Variants in SLC39A11 observed in about 807,000 individuals in gnomAD.
SLC39A11 encodes solute carrier family 39 member 11.
SLC39A11 carries 33 observed loss-of-function variants against 36.1 expected under a neutral mutation model. The observed-to-expected ratio is 0.91, with a 90% CI of 0.69 to 1.22. The LOEUF is 1.22. SLC39A11 is among the 50% of genes most tolerant of loss of function. The pLI is 0.00. For synonymous variants in SLC39A11, 166 were observed against 170.3 expected, an observed-to-expected ratio of 0.97 and a Z score of 0.20; for missense variants, 432 against 430.3, an observed-to-expected ratio of 1.00 and a Z score of -0.03.
intron 7 of SLC39A11, among the ~76,000 whole-genome samples, chr17:72,673,885 T>C (rs2071133331): frequency 6.6e-6 from 1 of 152,050 alleles, no homozygotes; most frequent in Admixed American, 6.6e-5. Context: ...CTGGCCAACA[T>C]AGTAAAATAC....
At chr17:72,648,350 AAAACAAAAC>A (rs1276982781) in intron 9 of SLC39A11, among the ~76,000 whole-genome samples, 1 of 41,278 alleles carries the variant, frequency 2.4e-5, no homozygotes, top group Admixed American at 2.2e-4. Flanking sequence ...AAAAAAAAGA[AAAACAAAAC>A]AAAACAAAAC....
chr17:72,922,983 AAAAAAAAC>A (rs1424907223), intron 5 of SLC39A11, among the ~76,000 whole-genome samples: 140 of 149,508 alleles, frequency 9.4e-4, no homozygotes, highest in Middle Eastern at 3.4e-3. Flanking sequence ...AAAAAAAAAA[AAAAAAAAC>A]ACACAGAAAA....
chr17:73,034,071 G>A (rs2143116412), intron 3 of SLC39A11, among the ~76,000 whole-genome samples: 1 of 152,308 alleles, frequency 6.6e-6, no homozygotes, highest in South Asian at 2.1e-4. Flanking sequence ...CAAAGGAAAT[G>A]TGAGGGCTCC....
chr17:72,737,385 G>A (rs1271371821), intron 6 of SLC39A11, among the ~76,000 whole-genome samples: 3 of 152,162 alleles, frequency 2.0e-5, no homozygotes, highest in African/African-American at 4.8e-5. Flanking sequence ...TGTTTATGGT[G>A]GGTTTCATAG....
At chr17:73,079,205 C>T (rs1463884390) in intron 3 of SLC39A11, among the ~76,000 whole-genome samples, 1 of 152,154 alleles carries the variant, frequency 6.6e-6, no homozygotes, top group Non-Finnish European at 1.5e-5. Context: ...TCAAGCAATT[C>T]TCCTGCCTCG....
chr17:72,683,335 T>A (rs1362104540), intron 7 of SLC39A11, among the ~76,000 whole-genome samples: 1 of 125,864 alleles, frequency 7.9e-6, no homozygotes, highest in Non-Finnish European at 1.7e-5. Flanking sequence ...TGAGACTAAT[T>A]TTTTTTTTTT....
chr17:72,847,459 CAAAGA>C (rs1358150248), intron 6 of SLC39A11, among the ~76,000 whole-genome samples: 1 of 150,388 alleles, frequency 6.6e-6, no homozygotes, highest in Non-Finnish European at 1.5e-5. Flanking sequence ...ATTCATAACT[CAAAGA>C]AAAGGGTCAA....
At chr17:72,790,280 T>C (rs1165531405) in intron 6 of SLC39A11, among the ~76,000 whole-genome samples, 1 of 152,088 alleles carries the variant, frequency 6.6e-6, no homozygotes, top group Non-Finnish European at 1.5e-5. Context: ...AAAGAATCCA[T>C]CCTGGTTGCC....
chr17:72,874,380 A>C (rs999620042), intron 5 of SLC39A11, among the ~76,000 whole-genome samples: 1 of 152,100 alleles, frequency 6.6e-6, no homozygotes, highest in Non-Finnish European at 1.5e-5. Flanking sequence ...CCGGACATGC[A>C]GTTCCCTCTC....
chr17:72,998,433 T>G (rs2089637486), intron 4 of SLC39A11, among the ~76,000 whole-genome samples: 2 of 152,224 alleles, frequency 1.3e-5, no homozygotes, highest in African/African-American at 4.8e-5. Flanking sequence ...GTCACTGTTA[T>G]TCAGTGCTCC....
At chr17:72,973,581 C>G (rs1283615468) in intron 4 of SLC39A11, among the ~76,000 whole-genome samples, 1 of 152,044 alleles carries the variant, frequency 6.6e-6, no homozygotes, top group Non-Finnish European at 1.5e-5. Flanking sequence ...TTTTTTGAGA[C>G]AGGGTCTCAC....
chr17:72,740,051 CTT>C (rs547266955), intron 6 of SLC39A11, among the ~76,000 whole-genome samples: 1 of 97,654 alleles, frequency 1.0e-5, no homozygotes. Context: ...AATTTCTTTC[CTT>C]TTCTTTTTTT....
intron 6 of SLC39A11, among the ~76,000 whole-genome samples, chr17:72,782,924 C>T (rs1425592707): frequency 6.7e-6 from 1 of 149,902 alleles, no homozygotes; most frequent in East Asian, 2.0e-4. Flanking sequence ...CTCACTTGAA[C>T]CCGGGAGGCG....
intron 5 of SLC39A11, among the ~76,000 whole-genome samples, chr17:72,937,248 C>G (rs1191270738): frequency 1.3e-5 from 2 of 152,150 alleles, no homozygotes; most frequent in Non-Finnish European, 2.9e-5. Context: ...CAAGACCAGC[C>G]TGGCCAACAT....
intron 7 of SLC39A11, among the ~76,000 whole-genome samples, chr17:72,684,928 G>C (rs2071675876): frequency 6.6e-6 from 1 of 152,206 alleles, no homozygotes; most frequent in Non-Finnish European, 1.5e-5. Flanking sequence ...GACACGTTAA[G>C]CTCATAGGCC....
chr17:72,960,876 G>T (rs1045648060), intron 4 of SLC39A11, among the ~76,000 whole-genome samples: 1 of 151,828 alleles, frequency 6.6e-6, no homozygotes, highest in African/African-American at 2.4e-5. Context: ...AAAAATAAAA[G>T]TAAGTACACC....
intron 7 of SLC39A11, among the ~76,000 whole-genome samples, chr17:72,706,452 C>T (rs1244050656): frequency 6.6e-6 from 1 of 152,108 alleles, no homozygotes; most frequent in African/African-American, 2.4e-5. Flanking sequence ...CGTGTCTTGC[C>T]AACTCTGTAG....
intron 6 of SLC39A11, among the ~76,000 whole-genome samples, chr17:72,840,750 TCCA>T (rs1460526289): frequency 1.4e-5 from 2 of 147,252 alleles, no homozygotes; most frequent in Non-Finnish European, 3.0e-5. Context: ...AGAGCGAGAC[TCCA>T]TCTCAAAAAG....
At chr17:72,835,570 C>T (rs149603407) in intron 6 of SLC39A11, among the ~76,000 whole-genome samples, 92 of 152,342 alleles carry the variant, frequency 6.0e-4, no homozygotes, top group African/African-American at 2.1e-3. Flanking sequence ...AAGTGATTCT[C>T]CTGCCTCAGC....
Sources: gnomAD v4.1 joint callset for allele counts (sites outside exome capture counted in the v4.1 genomes callset) on GRCh38, gnomAD v4.1.1 for gene constraint, MANE v1.5 for transcripts, NCBI Gene and HGNC (gene_info 2026-07-23, HGNC 2026-07-21) for gene names.